The following CACNA1D variants were observed in gnomAD, a reference collection of about 807,000 sequenced individuals.
CACNA1D encodes calcium voltage-gated channel subunit alpha1 D, also known as voltage-dependent L-type calcium channel subunit alpha-1D.
CACNA1D carries 55 observed loss-of-function variants against 257.1 expected under a neutral mutation model. That is an observed-to-expected ratio of 0.21 (90% CI 0.17 to 0.27). The LOEUF (loss-of-function observed/expected upper bound fraction) is 0.27, where lower values mean the gene tolerates loss of function less well. CACNA1D is among the 10% of genes least tolerant of loss of function. The pLI is 1.00. For missense variants in CACNA1D, 1,876 were observed against 2,784.0 expected (o/e 0.67, Z 7.34); for synonymous variants, 980 against 1,014.9 (o/e 0.97, Z 0.65).
chr3:53,776,282 A>C (rs531287683), intron 35 of CACNA1D, among the ~76,000 whole-genome samples: 13 of 152,316 alleles, frequency 8.5e-5, no homozygotes, highest in African/African-American at 2.2e-4. Flanking sequence ...CAATCACCTT[A>C]GCTTCTTAGG....
chr3:53,542,064 A>G (rs1409959148), intron 3 of CACNA1D, among the ~76,000 whole-genome samples: 2 of 152,184 alleles, frequency 1.3e-5, no homozygotes, highest in Admixed American at 6.5e-5. Context: ...AAAATGTTCT[A>G]AGATTGACCA....
chr3:53,663,657 C>T (rs1001264388), intron 5 of CACNA1D, among the ~76,000 whole-genome samples: 5 of 152,058 alleles, frequency 3.3e-5, no homozygotes, highest in Non-Finnish European at 5.9e-5. Flanking sequence ...TTGGTGTGAA[C>T]GTAATTGCGG....
chr3:53,810,698 C>T, intron 47 of CACNA1D: 2 of 313,230 alleles, frequency 6.4e-6, no homozygotes, highest in Non-Finnish European at 1.2e-5. Context: ...GTGGAGGCTG[C>T]AGTGAGCCGA....
intron 3 of CACNA1D, among the ~76,000 whole-genome samples, chr3:53,638,014 A>G (rs1027680029): frequency 7.2e-5 from 11 of 152,380 alleles, no homozygotes; most frequent in Admixed American, 5.9e-4. Context: ...TTAGAAAGGT[A>G]TGATCCGTGT....
rs147077260 is a variant in CACNA1D at position 53,692,926 on chromosome 3, C to T, written c.1221-9715C>T. ...TTAAAAAATTAGCTGGACATGGTGGCGCACACCTGTAATTCCAGCTGCTTG... is the reference window on the plus strand; with the variant it reads ...TTAAAAAATTAGCTGGACATGGTGGTGCACACCTGTAATTCCAGCTGCTTG... On this transcript the variant is annotated intron_variant, in intron 8 of 47. Coordinates refer to ENST00000350061, the MANE Select transcript of CACNA1D (RefSeq NM_001128840.3). Among the ~76,000 whole-genome samples the T allele has an allele frequency of 4.8e-3, 727 of 152,228 alleles. 8 individuals carry two copies. Among genetic ancestry groups the T allele is most frequent in the African/African-American group, 0.017 (688 of 41,518 alleles).
At chr3:53,801,584 G>A (rs1298064868) in intron 42 of CACNA1D, among the ~76,000 whole-genome samples, 159 bp downstream of exon 42, 4 of 152,178 alleles carry the variant, frequency 2.6e-5, no homozygotes, top group Non-Finnish European at 5.9e-5. Context: ...CCAGGTCACT[G>A]CTGCCTCTGA....
In CACNA1D at chr3:53,595,238, G is replaced by A. The variant is rs540033210; in HGVS notation, c.484-55541G>A. ...TAGGTTTTTGACAGCCAGCTCAGCC[G>A]GCTTGTTTTCACAGTGCCCTGTTTC... On this transcript the variant is annotated intron_variant, in intron 3 of 47. Transcript: ENST00000350061. Among the ~76,000 whole-genome samples, 7 of 152,314 alleles carry A rather than the reference G, an allele frequency of 4.6e-5. No homozygotes were observed. In the South Asian group the frequency reaches 1.5e-3, roughly 32 times the overall value.
At chr3:53,630,734 GA>G (rs1254761138) in intron 3 of CACNA1D, among the ~76,000 whole-genome samples, 3 of 152,222 alleles carry the variant, frequency 2.0e-5, no homozygotes, top group Admixed American at 1.3e-4. Context: ...TGTTGGAAAA[GA>G]GGTCAAGACC....
intron 3 of CACNA1D, among the ~76,000 whole-genome samples, chr3:53,587,307 G>A (rs968088614): frequency 6.6e-6 from 1 of 152,160 alleles, no homozygotes; most frequent in African/African-American, 2.4e-5. Context: ...GGGTGTAGAA[G>A]GGACAGCAGC....
rs1454409747 is a variant in CACNA1D at position 53,812,957 on chromosome 3, T to C, written c.*1551T>C. The C allele has an allele frequency of 1.3e-5, 2 of 152,204 alleles. No individual in the cohort carries two copies. Among genetic ancestry groups the C allele is most frequent in the African/African-American group, 4.8e-5 (2 of 41,442 alleles). 9.4% of individuals were successfully genotyped at this position (152,204 alleles called of 1,614,324 possible). A position where few individuals can be genotyped will look rare whatever the true frequency, so the allele number is the denominator to read the frequency against. Reference sequence around the variant, plus strand: ...AATGCACTCACACTCTGACTGTACGTCCTGATGAAAACCCACTTTTGGATA... The same window carrying C: ...AATGCACTCACACTCTGACTGTACGCCCTGATGAAAACCCACTTTTGGATA... On this transcript the variant is annotated 3_prime_UTR_variant, in exon 48 of 48. Coordinates refer to ENST00000350061, the MANE Select transcript of CACNA1D (RefSeq NM_001128840.3).
At chr3:53,787,455 A>ATGTGTG (rs1553682645) in intron 40 of CACNA1D, among the ~76,000 whole-genome samples, 2 of 122,882 alleles carry the variant, frequency 1.6e-5, no homozygotes, top group Non-Finnish European at 3.8e-5. Flanking sequence ...GTGTGTGTGT[A>ATGTGTG]TGTATGTATG....
chr3:53,580,173 T>G (rs1417977058), intron 3 of CACNA1D, among the ~76,000 whole-genome samples: 2 of 151,958 alleles, frequency 1.3e-5, no homozygotes, highest in African/African-American at 4.8e-5. Flanking sequence ...AAAATGAGAG[T>G]GCTTTCTTTT....
Position 53,713,535 on chromosome 3 carries a change from TGTGTGTGTGA to T in CACNA1D, c.1391-4764_1391-4755del, listed in dbSNP as rs796386722. 2.4e-3 allele frequency among the ~76,000 whole-genome samples: 336 copies of T among 138,442 alleles called. 2 individuals carry two copies. The highest frequency in any genetic ancestry group is 7.5e-3 in the African/African-American group (238 of 31,528). The allele number at this position is 138,442 out of a possible 152,430, so 90.8% of individuals were successfully genotyped here. ...GTGTGTGTGTGTGTGTGTGTGTGTG[TGTGTGTGTGA>T]GAGATTTGCCTCCAAATTCACAAGC... is the stretch of plus-strand genomic sequence containing the variant. On this transcript the variant is annotated intron_variant, in intron 9 of 47. Transcript: ENST00000350061.
In CACNA1D at chr3:53,495,253, G is replaced by T. The variant is rs748814682; in HGVS notation, c.67+20G>T. On this transcript the variant is annotated intron_variant, in intron 1 of 47. Coordinates refer to ENST00000350061, the MANE Select transcript of CACNA1D (RefSeq NM_001128840.3). This position sits in a 1 kb window ranked among gnomAD's most constrained non-coding sequence, Gnocchi z 5.1. Reference sequence around the variant, plus strand: ...CGAACGGTGAGCAGCCAGAGCCCGGGCACCCGCTGCCAAATCCGATCCTGT... The same window carrying T: ...CGAACGGTGAGCAGCCAGAGCCCGGTCACCCGCTGCCAAATCCGATCCTGT... 6.2e-7 allele frequency: 1 copy of T among 1,613,240 alleles called. No individual in the cohort carries two copies. The highest frequency in any genetic ancestry group is 1.3e-5 in the African/African-American group (1 of 74,994).
At chr3:53,548,352 CTTTTTT>C (rs34313562) in intron 3 of CACNA1D, among the ~76,000 whole-genome samples, 13 of 71,572 alleles carry the variant, frequency 1.8e-4, no homozygotes, top group African/African-American at 4.8e-4. Flanking sequence ...AGCAACAAAG[CTTTTTT>C]TTTTTTTTTT....
intron 3 of CACNA1D, among the ~76,000 whole-genome samples, chr3:53,589,440 A>G (rs920615402): frequency 6.6e-6 from 1 of 152,082 alleles, no homozygotes; most frequent in Non-Finnish European, 1.5e-5. Flanking sequence ...AAGCCTGGGC[A>G]TGGGGGTGCT....
intron 30 of CACNA1D, among the ~76,000 whole-genome samples, chr3:53,763,296 T>C (rs373130621): frequency 1.3e-5 from 2 of 152,210 alleles, no homozygotes; most frequent in African/African-American, 4.8e-5. Flanking sequence ...ACAAGTGCAG[T>C]AGTGGCATTG....
chr3:53,691,685 ATTG>A (rs2094521028), intron 8 of CACNA1D, among the ~76,000 whole-genome samples: 1 of 124,908 alleles, frequency 8.0e-6, no homozygotes, highest in East Asian at 2.1e-4. Context: ...TAATATATAT[ATTG>A]CAGATATATA....
intron 3 of CACNA1D, among the ~76,000 whole-genome samples, chr3:53,513,361 G>T (rs1302515146): frequency 6.6e-6 from 1 of 152,152 alleles, no homozygotes; most frequent in African/African-American, 2.4e-5. Context: ...AATAAATTTG[G>T]TAGCCAGGCG....
Sources: allele counts gnomAD v4.1 joint callset (sites outside exome capture counted in the v4.1 genomes callset), GRCh38; gene constraint gnomAD v4.1.1; non-coding constraint Gnocchi (gnomAD v3.1); transcripts MANE v1.5; gene names NCBI Gene and HGNC (gene_info 2026-07-23, HGNC 2026-07-21).